SORCS2: variants seen among roughly 807,000 people sequenced by gnomAD.
SORCS2 encodes sortilin related VPS10 domain containing receptor 2.
SORCS2 carries 100 observed loss-of-function variants against 141.6 expected under a neutral mutation model. That is an observed-to-expected ratio of 0.71 (90% CI 0.60 to 0.83). The LOEUF is 0.83. Ranked by LOEUF, SORCS2 falls within the 40% of genes least tolerant of loss-of-function variation. The probability of loss-of-function intolerance (pLI) is 0.00; values close to 1 mark genes in which losing one functional copy is unlikely to be tolerated. For missense variants in SORCS2, 1,646 were observed against 1,560.2 expected, an observed-to-expected ratio of 1.05 and a Z score of -0.93; for synonymous variants, 789 against 676.9, an observed-to-expected ratio of 1.17 and a Z score of -2.57.
intron 1 of SORCS2, among the ~76,000 whole-genome samples, chr4:7,222,706 C>G (rs1343953057): frequency 1.3e-5 from 2 of 152,108 alleles, no homozygotes; most frequent in East Asian, 3.9e-4. Context: ...GTCAGGCTTC[C>G]CAGGCTGTGG....
chr4:7,327,552 G>C (rs1328099380), intron 1 of SORCS2, among the ~76,000 whole-genome samples: 1 of 152,246 alleles, frequency 6.6e-6, no homozygotes, highest in Non-Finnish European at 1.5e-5. Flanking sequence ...CTCCTGACCA[G>C]AGTCCCTGCT....
rs566153499 is a variant in SORCS2 at position 7,334,758 on chromosome 4, C to G, written c.481-61530C>G. On this transcript the variant is annotated intron_variant, in intron 1 of 26. Coordinates refer to ENST00000507866, the MANE Select transcript of SORCS2 (RefSeq NM_020777.3). ...TGGGGAGGTTGCCACGGACAAAGTGCCTGGGCCCAGAGAGGGGAGACCTGT... is the reference window on the plus strand; with the variant it reads ...TGGGGAGGTTGCCACGGACAAAGTGGCTGGGCCCAGAGAGGGGAGACCTGT... 3.9e-5 allele frequency among the ~76,000 whole-genome samples: 6 copies of G among 152,214 alleles called. No homozygotes were observed. The South Asian group carries it at 1.2e-3, about 32-fold the overall frequency.
chr4:7,209,929 G>A (rs1370314384), intron 1 of SORCS2, among the ~76,000 whole-genome samples: 1 of 152,250 alleles, frequency 6.6e-6, no homozygotes, highest in Non-Finnish European at 1.5e-5. Flanking sequence ...ATCCTCTGCC[G>A]GGGGAAGGGG....
At chr4:7,685,009 C>T (rs564714534) in intron 10 of SORCS2, among the ~76,000 whole-genome samples, 23 of 152,326 alleles carry the variant, frequency 1.5e-4, no homozygotes, top group South Asian at 4.1e-4. Flanking sequence ...CGGCTGCCCG[C>T]CTCTGCTCAA....
chr4:7,598,774 AG>A (rs1364438275), intron 3 of SORCS2, among the ~76,000 whole-genome samples: 1 of 152,182 alleles, frequency 6.6e-6, no homozygotes, highest in East Asian at 1.9e-4. Context: ...TGCAGTCCAA[AG>A]GCCACCATAA....
intron 1 of SORCS2, among the ~76,000 whole-genome samples, chr4:7,225,154 C>T (rs2108766922): frequency 6.6e-6 from 1 of 152,328 alleles, no homozygotes; most frequent in South Asian, 2.1e-4. Flanking sequence ...CTCCCATCTT[C>T]CCCTACCCGT....
Position 7,375,085 on chromosome 4 carries a change from A to G in SORCS2, c.481-21203A>G, listed in dbSNP as rs73079994. 7.8e-3 allele frequency among the ~76,000 whole-genome samples: 1,193 copies of G among 152,236 alleles called. 15 individuals are homozygous for G. The highest frequency in any genetic ancestry group is 0.027 in the African/African-American group (1,108 of 41,540). ...GTGCAGGGTAAGTCATGGTGATTCG[A>G]TGAGAAAGGGACTTGGAGGCTGCCT... On this transcript the variant is annotated intron_variant, in intron 1 of 26. Transcript: ENST00000507866.
intron 1 of SORCS2, among the ~76,000 whole-genome samples, chr4:7,245,121 G>C (rs1182727079): frequency 2.0e-5 from 3 of 152,166 alleles, no homozygotes. Context: ...TGGGCGGGAG[G>C]CTGGGCCGCT....
chr4:7,725,391 G>A (rs1033404821), intron 20 of SORCS2, 104 bp downstream of exon 20: 6 of 1,457,940 alleles, frequency 4.1e-6, no homozygotes, highest in Admixed American at 2.2e-5. Context: ...AGGAACCAGT[G>A]TAGGGTGCAC....
chr4:7,650,538 A>G (rs11940340), intron 4 of SORCS2, among the ~76,000 whole-genome samples: 8,254 of 152,280 alleles, frequency 0.054, 557 homozygotes, highest in African/African-American at 0.17. Flanking sequence ...TAGTGGAGCC[A>G]GGCCTGCCGG....
chr4:7,524,585 GT>G (rs71647611), intron 2 of SORCS2, among the ~76,000 whole-genome samples: 46 of 144,782 alleles, frequency 3.2e-4, no homozygotes, highest in Middle Eastern at 3.6e-3. Context: ...TGTGGGTTTT[GT>G]TTTTTTTTTT....
chr4:7,298,035 A>G (rs1717194945), intron 1 of SORCS2, among the ~76,000 whole-genome samples: 1 of 152,112 alleles, frequency 6.6e-6, no homozygotes, highest in South Asian at 2.1e-4. Flanking sequence ...GGCCTGAGCC[A>G]CCTCTTCCCC....
chr4:7,740,918 G>A lies in SORCS2; in HGVS notation c.*654G>A, dbSNP rs16840967. 1,287 of 397,946 alleles carry A rather than the reference G, an allele frequency of 3.2e-3. 12 individuals are homozygous for A. The highest frequency in any genetic ancestry group is 0.025 in the African/African-American group (1,195 of 48,700). 24.7% of individuals were successfully genotyped at this position (397,946 alleles called of 1,614,324 possible). On this transcript the variant is annotated 3_prime_UTR_variant, in exon 27 of 27. Transcript: ENST00000507866. ...ACCGGGGTGGCTCTGTCAGAGTTCC[G>A]TACTCGGGAGCCCCTTTCCCTGAGT...
At chr4:7,283,189 G>A (rs780540373) in intron 1 of SORCS2, among the ~76,000 whole-genome samples, 1 of 152,214 alleles carries the variant, frequency 6.6e-6, no homozygotes, top group African/African-American at 2.4e-5. Context: ...TTTGGGCTTC[G>A]TGTCCAGTGG....
intron 26 of SORCS2, among the ~76,000 whole-genome samples, chr4:7,738,593 C>G (rs1712392498): frequency 6.6e-6 from 1 of 152,156 alleles, no homozygotes; most frequent in Non-Finnish European, 1.5e-5. Context: ...CAGAGAACGG[C>G]ACACAGGAAG....
At chr4:7,264,032 G>A (rs1714549079) in intron 1 of SORCS2, among the ~76,000 whole-genome samples, 1 of 152,176 alleles carries the variant, frequency 6.6e-6, no homozygotes, top group African/African-American at 2.4e-5. Flanking sequence ...CGAGTGCCAG[G>A]TCCTGAGGTC....
At chr4:7,444,149 C>T (rs188075149) in intron 2 of SORCS2, among the ~76,000 whole-genome samples, 50 of 152,334 alleles carry the variant, frequency 3.3e-4, no homozygotes, top group African/African-American at 8.9e-4. Context: ...TATTTTCATA[C>T]GCGTATTCAG....
chr4:7,596,550 A>T (rs192530549), intron 3 of SORCS2, among the ~76,000 whole-genome samples: 20 of 152,344 alleles, frequency 1.3e-4, no homozygotes, highest in African/African-American at 4.1e-4. Context: ...TTCAAAATTT[A>T]TCTCCTTTCG....
intron 2 of SORCS2, among the ~76,000 whole-genome samples, chr4:7,490,276 T>G (rs969546172): frequency 6.6e-6 from 1 of 152,098 alleles, no homozygotes; most frequent in African/African-American, 2.4e-5. Flanking sequence ...TGACTCGGCC[T>G]GGGGGGAGCT....
Sources: gnomAD v4.1 joint callset for allele counts (sites outside exome capture counted in the v4.1 genomes callset) on GRCh38, gnomAD v4.1.1 for gene constraint, MANE v1.5 for transcripts, NCBI Gene and HGNC (gene_info 2026-07-23, HGNC 2026-07-21) for gene names.